PIEZO2: variants seen among roughly 807,000 people sequenced by gnomAD.
PIEZO2 encodes piezo type mechanosensitive ion channel component 2, also known as piezo-type mechanosensitive ion channel component 2.
A neutral mutation model predicts 337.3 loss-of-function variants in PIEZO2; 172 were observed. The ratio of observed to expected loss-of-function variants is 0.51; its 90% CI spans 0.45 to 0.58. The LOEUF (loss-of-function observed/expected upper bound fraction) is 0.58, where lower values mean the gene tolerates loss of function less well. Among genes scored for constraint, PIEZO2 ranks in the 20% least tolerant of loss-of-function variants. The pLI is 0.00. For synonymous variants in PIEZO2, 1,251 were observed against 1,228.5 expected (o/e 1.02, Z -0.38); for missense variants, 3,028 against 3,391.3 (o/e 0.89, Z 2.66).
rs148756223 is a variant in PIEZO2, at chr18:11,015,119, G to A, written c.161-35459C>T. Among the ~76,000 whole-genome samples the A allele has an allele frequency of 3.6e-3, 509 of 139,952 alleles. 7 individuals are homozygous for A. The highest frequency in any genetic ancestry group is 0.014 in the African/African-American group (476 of 33,854). 91.8% of individuals were successfully genotyped at this position (139,952 alleles called of 152,430 possible). On this transcript the variant is annotated intron_variant, in intron 2 of 55. Transcript: ENST00000674853. Reference sequence around the variant, plus strand: ...TCCGGGGCCCCCCTCATTCCTCAGCGGGGAACATGTCACCCTGGGTGAGAC... The same window carrying A: ...TCCGGGGCCCCCCTCATTCCTCAGCAGGGAACATGTCACCCTGGGTGAGAC...
At position 11,148,232 on chromosome 18, in the gene PIEZO2, T is replaced by C. The variant is rs1479372849; in HGVS notation, c.64+293A>G. ...TTCCAGCCACAGCAATGGCCATCCTTAGTACACAAGTCAGTACTCCACGAA... is the reference window on the plus strand; with the variant it reads ...TTCCAGCCACAGCAATGGCCATCCTCAGTACACAAGTCAGTACTCCACGAA... On this transcript the variant is annotated intron_variant, in intron 1 of 55. Coordinates refer to ENST00000674853, the MANE Select transcript of PIEZO2 (RefSeq NM_001378183.1). The surrounding 1 kb of genome is among the most constrained non-coding windows in gnomAD (Gnocchi z 5.2). Among the ~76,000 whole-genome samples, 1 of 152,172 alleles carries C rather than the reference T, an allele frequency of 6.6e-6. No homozygotes were observed. The highest frequency in any genetic ancestry group is 1.9e-4 in the East Asian group (1 of 5,172).
chr18:10,853,829 ATTT>A lies in PIEZO2; in HGVS notation c.917+1521_917+1523del, dbSNP rs1317620925. Among the ~76,000 whole-genome samples, 1 of 152,204 alleles carries A rather than the reference ATTT, an allele frequency of 6.6e-6. No individual in the cohort carries two copies. Among genetic ancestry groups the A allele is most frequent in the Admixed American group, 6.5e-5 (1 of 15,288 alleles). Reference sequence around the variant, plus strand: ...ACCATGTATCTCCTAAAATAATGGCATTTTTCTGTCTACCCACAAAACCATCAT... The same window carrying A: ...ACCATGTATCTCCTAAAATAATGGCATTCTGTCTACCCACAAAACCATCAT... On this transcript the variant is annotated intron_variant, in intron 7 of 55. Coordinates refer to ENST00000674853, the MANE Select transcript of PIEZO2 (RefSeq NM_001378183.1). This position sits in a 1 kb window ranked among gnomAD's most constrained non-coding sequence, Gnocchi z 4.2.
intron 2 of PIEZO2, among the ~76,000 whole-genome samples, chr18:11,057,261 TCTTCCATCC>T (rs2037764222): frequency 6.6e-6 from 1 of 152,198 alleles, no homozygotes; most frequent in Non-Finnish European, 1.5e-5. Flanking sequence ...GCTTCCTAAA[TCTTCCATCC>T]CCTTCAGTAA....
chr18:10,803,305 C>T (rs777203848), intron 9 of PIEZO2, among the ~76,000 whole-genome samples: 31 of 152,206 alleles, frequency 2.0e-4, no homozygotes, highest in Non-Finnish European at 3.1e-4. Context: ...ATCACCTCAT[C>T]TCATCAGAAA....
In PIEZO2 at chr18:10,758,026, T is replaced by G; in HGVS notation, c.3866A>C (p.Asn1289Thr). 1 of 1,537,116 alleles carries G rather than the reference T, an allele frequency of 6.5e-7. No homozygotes were observed. The change falls in exon 27 of 56, where the codon AAC becomes ACC. Residue 1289 changes from asparagine (N) to threonine (T), a missense_variant. By Grantham distance (65) the Asn-to-Thr change is moderately conservative (BLOSUM62 0). Transcript: ENST00000674853. ...TTGGCTGAAGGAGGCCGCATCAAGGTTCATGCAGATCTCGACATTGTCACC... is the reference window on the plus strand; with the variant it reads ...TTGGCTGAAGGAGGCCGCATCAAGGGTCATGCAGATCTCGACATTGTCACC... ...MAGDNVEICMNLDAASFSQHN... is the reference protein window; with the variant it reads ...MAGDNVEICMTLDAASFSQHN...
At chr18:10,725,128 C>T in intron 36 of PIEZO2, 1 of 1,462,184 alleles carries the variant, frequency 6.8e-7, no homozygotes, top group Admixed American at 1.7e-5. Flanking sequence ...GTACCAGGAG[C>T]CCATGCCTAT....
At position 11,110,992 on chromosome 18, in the gene PIEZO2, G is replaced by A. The variant is rs546385444; in HGVS notation, c.64+37533C>T. On this transcript the variant is annotated intron_variant, in intron 1 of 55. Coordinates refer to ENST00000674853, the MANE Select transcript of PIEZO2 (RefSeq NM_001378183.1). The surrounding 1 kb of genome is among the most constrained non-coding windows in gnomAD (Gnocchi z 4.2). Reference sequence around the variant, plus strand: ...ACCATGAGAGCCACTGCAGGGCTTCGGAACGGAGGAGAAGCTGAGATACTT... The same window carrying A: ...ACCATGAGAGCCACTGCAGGGCTTCAGAACGGAGGAGAAGCTGAGATACTT... Among the ~76,000 whole-genome samples the A allele has an allele frequency of 3.9e-5, 6 of 152,308 alleles. No homozygotes were observed. Among genetic ancestry groups the A allele is most frequent in the Admixed American group, 1.3e-4 (2 of 15,304 alleles).
Position 10,834,052 on chromosome 18 carries a change from G to C in PIEZO2, c.917+21301C>G, listed in dbSNP as rs912470478. Among the ~76,000 whole-genome samples, 1 of 152,220 alleles carries C rather than the reference G, an allele frequency of 6.6e-6. No individual in the cohort carries two copies. The highest frequency in any genetic ancestry group is 2.1e-4 in the South Asian group (1 of 4,830). On this transcript the variant is annotated intron_variant, in intron 7 of 55. Coordinates refer to ENST00000674853, the MANE Select transcript of PIEZO2 (RefSeq NM_001378183.1). The surrounding 1 kb of genome is among the most constrained non-coding windows in gnomAD (Gnocchi z 4.5). Reference sequence around the variant, plus strand: ...TTTTTTATGGGTAAGTGTATATGGGGCACAGGTGATGTTTTGATACAGACA... The same window carrying C: ...TTTTTTATGGGTAAGTGTATATGGGCCACAGGTGATGTTTTGATACAGACA...
At chr18:10,886,142 T>C (rs1444835559) in intron 4 of PIEZO2, among the ~76,000 whole-genome samples, 1 of 150,322 alleles carries the variant, frequency 6.7e-6, no homozygotes, top group African/African-American at 2.5e-5. Context: ...GCTCAGTCCA[T>C]ATTCAGGAAG....
rs546595778 is a variant in PIEZO2 at position 10,726,526 on chromosome 18, GCTGCT to G, written c.5029+4876_5029+4880del. On this transcript the variant is annotated intron_variant, in intron 36 of 55. Transcript: ENST00000674853. This position sits in a 1 kb window ranked among gnomAD's most constrained non-coding sequence, Gnocchi z 5.9. ...AGCAGCCGTTCCTGTGGCGCGCTGCGCTGCTCTGCTCTGCTACACCAGCCGCCACG... is the reference window on the plus strand; with the variant it reads ...AGCAGCCGTTCCTGTGGCGCGCTGCGCTGCTCTGCTACACCAGCCGCCACG... 3.5e-5 allele frequency: 51 copies of G among 1,469,932 alleles called. No individual in the cohort carries two copies. Among genetic ancestry groups the G allele is most frequent in the Non-Finnish European group, 4.3e-5 (48 of 1,110,288 alleles). 91.1% of individuals were successfully genotyped at this position (1,469,932 alleles called of 1,614,324 possible).
intron 3 of PIEZO2, among the ~76,000 whole-genome samples, chr18:10,958,211 T>C (rs1261834537): frequency 6.6e-6 from 1 of 152,172 alleles, no homozygotes; most frequent in Admixed American, 6.5e-5. Flanking sequence ...AAAAAGAGAA[T>C]AATTTTGCCA....
At chr18:10,932,352 C>T (rs1295008889) in intron 3 of PIEZO2, among the ~76,000 whole-genome samples, 1 of 152,046 alleles carries the variant, frequency 6.6e-6, no homozygotes, top group Non-Finnish European at 1.5e-5. Flanking sequence ...GCCATGACTG[C>T]ACCACTGCAC....
At chr18:10,703,751 G>A (rs754121755) in intron 42 of PIEZO2, among the ~76,000 whole-genome samples, 2 of 152,096 alleles carry the variant, frequency 1.3e-5, no homozygotes, top group Non-Finnish European at 2.9e-5. Flanking sequence ...GGTCAGGACA[G>A]AAAAGCAGGA....
chr18:10,961,264 G>A (rs2033766326), intron 3 of PIEZO2, among the ~76,000 whole-genome samples: 1 of 144,252 alleles, frequency 6.9e-6, no homozygotes, highest in African/African-American at 2.6e-5. Flanking sequence ...AGCAATTGCA[G>A]TGACCTGCAT....
chr18:11,059,814 T>C, intron 2 of PIEZO2, among the ~76,000 whole-genome samples: 1 of 152,192 alleles, frequency 6.6e-6, no homozygotes, highest in Non-Finnish European at 1.5e-5. Flanking sequence ...AATGGGAGAC[T>C]TTAACACCCC....
At chr18:10,770,510 G>A (rs2038555733) in intron 20 of PIEZO2, among the ~76,000 whole-genome samples, 1 of 152,124 alleles carries the variant, frequency 6.6e-6, no homozygotes, top group South Asian at 2.1e-4. Context: ...CAGACTTGGA[G>A]GGACAATGTG....
chr18:10,747,479 CATTGT>C (rs1343483777), intron 30 of PIEZO2, among the ~76,000 whole-genome samples: 1 of 152,164 alleles, frequency 6.6e-6, no homozygotes, highest in Non-Finnish European at 1.5e-5. Context: ...TGGAATGAAA[CATTGT>C]ATTCTGCTCT....
intron 7 of PIEZO2, among the ~76,000 whole-genome samples, chr18:10,822,796 G>T (rs1438100286): frequency 6.6e-6 from 1 of 152,142 alleles, no homozygotes; most frequent in Non-Finnish European, 1.5e-5. Context: ...TTCTAAAAGG[G>T]AGTATGAACC....
intron 2 of PIEZO2, among the ~76,000 whole-genome samples, chr18:11,022,810 C>A (rs1467988650): frequency 6.6e-6 from 1 of 152,168 alleles, no homozygotes; most frequent in Non-Finnish European, 1.5e-5. Flanking sequence ...TCACTGACTT[C>A]GAGAATGAAG....
Sources: allele counts gnomAD v4.1 joint callset (sites outside exome capture counted in the v4.1 genomes callset), GRCh38; gene constraint gnomAD v4.1.1; non-coding constraint Gnocchi (gnomAD v3.1); transcripts MANE v1.5; gene names NCBI Gene and HGNC (gene_info 2026-07-23, HGNC 2026-07-21).